Variants in PPP3CC observed in about 807,000 individuals in gnomAD.
PPP3CC encodes the protein serine/threonine-protein phosphatase 2B catalytic subunit gamma isoform.
Under a neutral mutation model 60.3 loss-of-function variants are expected in PPP3CC, and 35 were observed. The ratio of observed to expected loss-of-function variants is 0.58; its 90% CI spans 0.44 to 0.77. The LOEUF (loss-of-function observed/expected upper bound fraction) is 0.77, where lower values mean the gene tolerates loss of function less well. Ranked by LOEUF, PPP3CC falls within the 30% of genes least tolerant of loss-of-function variation. The pLI, the probability that PPP3CC is intolerant of heterozygous loss-of-function variation, is 0.00. For missense variants in PPP3CC, 570 were observed against 628.9 expected (o/e 0.91, Z 1.00); for synonymous variants, 206 against 224.3 (o/e 0.92, Z 0.73).
chr8:22,450,797 ATTTTTATTTATTTATT>A (rs1277550967), intron 1 of PPP3CC, among the ~76,000 whole-genome samples: 5 of 142,302 alleles, frequency 3.5e-5, no homozygotes, highest in Non-Finnish European at 3.0e-5. Flanking sequence ...AACCTACTTT[ATTTTTATTTATTTATT>A]TATTTATTTA....
chr8:22,473,990 G>C lies in PPP3CC; in HGVS notation c.50-964G>C, dbSNP rs540719226. 1.6e-4 allele frequency among the ~76,000 whole-genome samples: 24 copies of C among 151,976 alleles called. No individual in the cohort carries two copies. The South Asian group carries it at 5.0e-3, about 32-fold the overall frequency. On this transcript the variant is annotated intron_variant, in intron 1 of 13. Coordinates refer to ENST00000240139, the MANE Select transcript of PPP3CC (RefSeq NM_005605.5). ...GCTCACTGCAACCTCTGCCTCCCAC[G>C]TTCAAGCGATTCTTCTGCCTCAGCT...
At chr8:22,521,133 G>T (rs1388010742) in intron 6 of PPP3CC, among the ~76,000 whole-genome samples, 1 of 152,180 alleles carries the variant, frequency 6.6e-6, no homozygotes, top group Non-Finnish European at 1.5e-5. Context: ...AATAGGGTGG[G>T]ACCCAAGCTG....
chr8:22,505,649 TAGG>T (rs1433947420), intron 4 of PPP3CC, among the ~76,000 whole-genome samples: 1 of 152,136 alleles, frequency 6.6e-6, no homozygotes, highest in Non-Finnish European at 1.5e-5. Flanking sequence ...GATAAATTAA[TAGG>T]AGAAGAGCAT....
At chr8:22,498,327 G>A (rs553385933) in intron 4 of PPP3CC, among the ~76,000 whole-genome samples, 27 of 152,108 alleles carry the variant, frequency 1.8e-4, no homozygotes, top group African/African-American at 6.3e-4. Context: ...AATAATTCGG[G>A]ATATTTGGAA....
intron 3 of PPP3CC, chr8:22,493,022 G>C (rs1838454117): frequency 3.8e-6 from 5 of 1,311,336 alleles, no homozygotes; most frequent in Non-Finnish European, 5.5e-6. Flanking sequence ...CTACTGGAGA[G>C]GATGACGATG....
At position 22,499,114 on chromosome 8, in the gene PPP3CC, G is replaced by A. The variant is rs186911255; in HGVS notation, c.484+1002G>A. ...AGCCTGGGCAACAGAGCGAGACTCCGACTCAAAAAAAAAAGAAATAGAATT... is the reference window on the plus strand; with the variant it reads ...AGCCTGGGCAACAGAGCGAGACTCCAACTCAAAAAAAAAAGAAATAGAATT... On this transcript the variant is annotated intron_variant, in intron 4 of 13. Coordinates refer to ENST00000240139, the MANE Select transcript of PPP3CC (RefSeq NM_005605.5). Among the ~76,000 whole-genome samples the A allele has an allele frequency of 5.5e-5, 8 of 146,454 alleles. No homozygotes were observed. The East Asian group carries it at 1.0e-3, about 18-fold the overall frequency.
chr8:22,488,655 C>G (rs948642213), intron 3 of PPP3CC, among the ~76,000 whole-genome samples: 28 of 152,266 alleles, frequency 1.8e-4, no homozygotes, highest in African/African-American at 3.9e-4. Context: ...GGGACAGCAT[C>G]ATGTATTTGT....
intron 3 of PPP3CC, among the ~76,000 whole-genome samples, chr8:22,495,693 G>A (rs1043912315): frequency 6.6e-6 from 1 of 152,026 alleles, no homozygotes; most frequent in Admixed American, 6.6e-5. Context: ...TGAGTAGCTG[G>A]GATTACAGGC....
At chr8:22,472,455 C>T (rs1051505801) in intron 1 of PPP3CC, among the ~76,000 whole-genome samples, 21 of 149,614 alleles carry the variant, frequency 1.4e-4, no homozygotes, top group African/African-American at 4.5e-4. Context: ...CCCTGGCTTG[C>T]CCCCCTACAT....
At chr8:22,510,182 CAAAA>C (rs71546815) in intron 4 of PPP3CC, among the ~76,000 whole-genome samples, 1 of 88,268 alleles carries the variant, frequency 1.1e-5, no homozygotes. Flanking sequence ...GACTCCGTCT[CAAAA>C]AAAAAAAAAA....
At chr8:22,528,980 T>C (rs10107970) in intron 10 of PPP3CC, among the ~76,000 whole-genome samples, 3,903 of 152,318 alleles carry the variant, frequency 0.026, 159 homozygotes, top group African/African-American at 0.088. Context: ...AAAACCCATA[T>C]AGTTTTGAAC....
At chr8:22,532,672 G>C (rs1450173789) in intron 11 of PPP3CC, among the ~76,000 whole-genome samples, 1 of 152,120 alleles carries the variant, frequency 6.6e-6, no homozygotes, top group Non-Finnish European at 1.5e-5. Context: ...TATTAAATGG[G>C]ATACAATATG....
At chr8:22,534,775 TACTC>T (rs1055821092) in intron 12 of PPP3CC, among the ~76,000 whole-genome samples, 2 of 152,220 alleles carry the variant, frequency 1.3e-5, no homozygotes, top group African/African-American at 4.8e-5. Flanking sequence ...AATGGAATAA[TACTC>T]AGCAATAAAA....
At chr8:22,534,625 AG>A (rs1302701758) in intron 12 of PPP3CC, among the ~76,000 whole-genome samples, 2 of 152,374 alleles carry the variant, frequency 1.3e-5, no homozygotes, top group African/African-American at 4.8e-5. Context: ...TGTTCACCAA[AG>A]GTTATGCATG....
At chr8:22,452,455 A>G (rs960417117) in intron 1 of PPP3CC, among the ~76,000 whole-genome samples, 10 of 151,998 alleles carry the variant, frequency 6.6e-5, no homozygotes, top group African/African-American at 2.2e-4. Context: ...ATGGTTTGAG[A>G]ACATGGGCTT....
intron 3 of PPP3CC, among the ~76,000 whole-genome samples, chr8:22,481,893 C>T (rs1213235225): frequency 6.6e-6 from 1 of 152,094 alleles, no homozygotes; most frequent in Non-Finnish European, 1.5e-5. Flanking sequence ...CATAGTATTC[C>T]ATGGTGTATA....
chr8:22,516,083 C>T (rs1213893572), intron 6 of PPP3CC, among the ~76,000 whole-genome samples: 3 of 152,082 alleles, frequency 2.0e-5, no homozygotes, highest in African/African-American at 7.2e-5. Flanking sequence ...GAACTATGGG[C>T]ATGTGCCACC....
chr8:22,471,391 CAT>C (rs1452283562), intron 1 of PPP3CC, among the ~76,000 whole-genome samples: 1 of 150,686 alleles, frequency 6.6e-6, no homozygotes, highest in East Asian at 1.9e-4. Context: ...AGAAATGTGT[CAT>C]GAGATGACTT....
At chr8:22,473,486 C>T (rs563363539) in intron 1 of PPP3CC, among the ~76,000 whole-genome samples, 19 of 141,158 alleles carry the variant, frequency 1.3e-4, no homozygotes, top group South Asian at 2.2e-4. Context: ...TTTTTTGAAA[C>T]GGAGTCTTGC....
Sources: gnomAD v4.1 joint callset for allele counts (sites outside exome capture counted in the v4.1 genomes callset) on GRCh38, gnomAD v4.1.1 for gene constraint, MANE v1.5 for transcripts, NCBI Gene and HGNC (gene_info 2026-07-23, HGNC 2026-07-21) for gene names.